CLPSL1: variants seen among roughly 807,000 people sequenced by gnomAD.
CLPSL1 encodes the protein colipase-like protein 1.
Under a neutral mutation model 9.3 loss-of-function variants are expected in CLPSL1, and 13 were observed. The ratio of observed to expected loss-of-function variants is 1.40; its 90% confidence interval spans 0.91 to 2.22. CLPSL1 has a LOEUF of 2.22. Among genes scored for constraint, CLPSL1 ranks in the 30% most tolerant of loss-of-function variants. CLPSL1 has a pLI of 0.00. For missense variants in CLPSL1, 164 were observed against 146.6 expected (o/e 1.12, Z -0.61); for synonymous variants, 58 against 56.9 (o/e 1.02, Z -0.08).
rs766871176 is a variant in CLPSL1, at chr6:35,787,960, C to G, written c.316C>G (p.Arg106Gly). ...NEKWLSIAYG[R>G]CQKIGRQKLA... ...GAAATGGCTTAGCATCGCCTATGGC[C>G]GTTGTCAGAAAATTGGAAGGCAGAA... Residue 106 changes from arginine (R) to glycine (G), a missense_variant, in exon 3 of 3, where the codon CGT (arginine) becomes GGT (glycine). Arg to Gly is a moderately radical substitution (Grantham distance 125). Transcript: ENST00000373861. 14 of 1,613,484 alleles carry G rather than the reference C, an allele frequency of 8.7e-6. No homozygotes were observed. Among genetic ancestry groups the G allele is most frequent in the South Asian group, 1.1e-5 (1 of 91,064 alleles).
chr6:35,787,787 C>G (rs1768111756), intron 2 of CLPSL1, 80 bp from the exon 3 acceptor site: 1 of 1,398,998 alleles, frequency 7.1e-7, no homozygotes, highest in Admixed American at 1.7e-5. Context: ...CACATGGGCC[C>G]TGGAGCTGGG....
At chr6:35,785,336 C>A (rs1265271451) in intron 1 of CLPSL1, among the ~76,000 whole-genome samples, 1 of 151,988 alleles carries the variant, frequency 6.6e-6, no homozygotes, top group Non-Finnish European at 1.5e-5. Context: ...CGCCACCACG[C>A]CCAGCTAATT....
At chr6:35,792,193 G>C (rs1423435673), downstream of CLPSL1, among the ~76,000 whole-genome samples, 6 of 152,168 alleles carry the variant, frequency 3.9e-5, no homozygotes, top group Non-Finnish European at 8.8e-5. Context: ...AGGATCACTT[G>C]AGCCCAGGAT....
At position 35,788,059 on chromosome 6, in the gene CLPSL1, T is replaced by G; in HGVS notation, c.*49T>G. 1.4e-6 allele frequency: 2 copies of G among 1,399,442 alleles called. No individual in the cohort carries two copies. Among genetic ancestry groups the G allele is most frequent in the Admixed American group, 1.7e-5 (1 of 59,246 alleles). The allele number at this position is 1,399,442 out of a possible 1,614,324, so 86.7% of individuals were successfully genotyped here. A position where few individuals can be genotyped will look rare whatever the true frequency, so the allele number is the denominator to read the frequency against. ...CTCCTCCTCCACCTGCTCTCCTCCC[T>G]ACCCAGAGCTCTGTGTTCACCCTGT... On this transcript the variant is annotated 3_prime_UTR_variant, in exon 3 of 3. Coordinates refer to ENST00000373861, the MANE Select transcript of CLPSL1 (RefSeq NM_001010886.5).
chr6:35,786,948 G>A, intron 1 of CLPSL1, 50 bp from the exon 2 acceptor site: 5 of 1,545,692 alleles, frequency 3.2e-6, no homozygotes, highest in Non-Finnish European at 3.5e-6. Context: ...GGGGCGGCGA[G>A]GGCGGAAGGC....
rs145702413 is a variant in CLPSL1, at chr6:35,786,001, A to G, written c.100-997A>G. Among the ~76,000 whole-genome samples the G allele has an allele frequency of 2.4e-3, 362 of 151,630 alleles. 3 individuals are homozygous for G. Among genetic ancestry groups the G allele is most frequent in the Admixed American group, 0.013 (195 of 15,194 alleles). On this transcript the variant is annotated intron_variant, in intron 1 of 2. Coordinates refer to ENST00000373861, the MANE Select transcript of CLPSL1 (RefSeq NM_001010886.5). ...GAAAGAGGGTTGGGCGCGGTGGCTC[A>G]TGCCTGTAATCCTAGCACTTTGGGA...
chr6:35,793,896 C>A (rs1372182675), downstream of CLPSL1, among the ~76,000 whole-genome samples: 1 of 152,242 alleles, frequency 6.6e-6, no homozygotes, highest in South Asian at 2.1e-4. Flanking sequence ...ATGATGGGCA[C>A]CTCAGTACTG....
At chr6:35,793,528 G>A (rs1279827228) in exon 2 of CLPSL1, 2 of 471,748 alleles carry the variant, frequency 4.2e-6, no homozygotes, top group African/African-American at 4.0e-5. Context: ...AATACGGTGA[G>A]AACGTGAAGT....
chr6:35,781,515 T>C (rs1767967009), intron 1 of CLPSL1, among the ~76,000 whole-genome samples: 1 of 152,064 alleles, frequency 6.6e-6, no homozygotes, highest in Admixed American at 6.5e-5. Flanking sequence ...ACCTACTATA[T>C]GTAAATTATT....
chr6:35,791,469 C>T (rs1410221816), downstream of CLPSL1, among the ~76,000 whole-genome samples: 4 of 151,438 alleles, frequency 2.6e-5, no homozygotes, highest in African/African-American at 7.3e-5. Flanking sequence ...ATTAGCTGGG[C>T]GTGGAGGGCA....
chr6:35,781,936 G>C (rs947511820), intron 1 of CLPSL1, among the ~76,000 whole-genome samples: 1 of 151,900 alleles, frequency 6.6e-6, no homozygotes, highest in African/African-American at 2.4e-5. Context: ...ATTTTTAGTA[G>C]AGACAGGGTT....
At chr6:35,784,695 T>C (rs187225863) in intron 1 of CLPSL1, among the ~76,000 whole-genome samples, 6 of 152,158 alleles carry the variant, frequency 3.9e-5, no homozygotes, top group African/African-American at 1.4e-4. Flanking sequence ...AGCCCAGAGG[T>C]TCGAGACCAA....
downstream of CLPSL1, among the ~76,000 whole-genome samples, chr6:35,792,561 G>A (rs1243658323): frequency 6.6e-6 from 1 of 152,278 alleles, no homozygotes; most frequent in African/African-American, 2.4e-5. Context: ...CTGTGTAGGC[G>A]TGTGATGCTG....
rs139112985 is a variant in CLPSL1 at position 35,781,921 on chromosome 6, T to C, written c.99+712T>C. Among the ~76,000 whole-genome samples the C allele has an allele frequency of 1.3e-3, 205 of 151,946 alleles. 1 individual carries two copies. The East Asian group carries it at 0.02, about 15-fold the overall frequency. ...CTGCCACGCCCAGCTAATTTTTTTT[T>C]CTGTATTTTTAGTAGAGACAGGGTT... On this transcript the variant is annotated intron_variant, in intron 1 of 2. Transcript: ENST00000373861.
chr6:35,790,021 G>A (rs1768157537), downstream of CLPSL1, among the ~76,000 whole-genome samples: 1 of 152,176 alleles, frequency 6.6e-6, no homozygotes, highest in Non-Finnish European at 1.5e-5. Context: ...CATCCTTCTG[G>A]GCTCAAGTGA....
At chr6:35,784,563 C>A (rs577731703) in intron 1 of CLPSL1, among the ~76,000 whole-genome samples, 4 of 152,062 alleles carry the variant, frequency 2.6e-5, no homozygotes, top group Non-Finnish European at 5.9e-5. Flanking sequence ...TTACACTAGC[C>A]ACATATAGTT....
chr6:35,785,373 T>G (rs1328852780), intron 1 of CLPSL1, among the ~76,000 whole-genome samples: 1 of 151,886 alleles, frequency 6.6e-6, no homozygotes, highest in Non-Finnish European at 1.5e-5. Context: ...GAGACGGGGT[T>G]TCACCGTGTT....
At chr6:35,783,080 T>C (rs1767997993) in intron 1 of CLPSL1, among the ~76,000 whole-genome samples, 2 of 152,088 alleles carry the variant, frequency 1.3e-5, no homozygotes, top group Admixed American at 6.5e-5. Context: ...GAACAAGATA[T>C]AGGACATTTT....
downstream of CLPSL1, among the ~76,000 whole-genome samples, chr6:35,790,304 A>T (rs1324202235): frequency 2.0e-5 from 3 of 152,270 alleles, no homozygotes; most frequent in Non-Finnish European, 2.9e-5. Context: ...AAAGTTGTTA[A>T]TTTTTTTAAT....
Sources: gnomAD v4.1 joint callset for allele counts (sites outside exome capture counted in the v4.1 genomes callset) on GRCh38, gnomAD v4.1.1 for gene constraint, MANE v1.5 for transcripts, NCBI Gene and HGNC (gene_info 2026-07-23, HGNC 2026-07-21) for gene names.